Variants in NCKAP5 observed in about 807,000 individuals in gnomAD.
The protein encoded by NCKAP5 is nck-associated protein 5.
NCKAP5 carries 92 observed loss-of-function variants against 167.0 expected under a neutral mutation model. The observed-to-expected ratio is 0.55, with a 90% CI of 0.47 to 0.66. The LOEUF is 0.66. Ranked by LOEUF, NCKAP5 falls within the 30% of genes least tolerant of loss-of-function variation. NCKAP5 has a pLI of 0.00. For synonymous variants in NCKAP5, 891 were observed against 877.4 expected, an observed-to-expected ratio of 1.02 and a Z score of -0.27; for missense variants, 2,378 against 2,315.0, an observed-to-expected ratio of 1.03 and a Z score of -0.56.
the NCKAP5 span, among the ~76,000 whole-genome samples, chr2:133,658,636 CA>C: frequency 1.3e-5 from 2 of 152,146 alleles, no homozygotes; most frequent in Non-Finnish European, 2.9e-5. Context: ...CCTACGGATG[CA>C]AAGGCTCAGG....
intron 6 of NCKAP5, among the ~76,000 whole-genome samples, chr2:132,998,390 A>C (rs2077671198): frequency 6.6e-6 from 1 of 152,190 alleles, no homozygotes; most frequent in Non-Finnish European, 1.5e-5. Context: ...ACCCTTAGTA[A>C]TATGGTAAAC....
At chr2:133,554,743 G>T (rs1448716976) in intron 2 of NCKAP5, among the ~76,000 whole-genome samples, 3 of 152,142 alleles carry the variant, frequency 2.0e-5, no homozygotes, top group Non-Finnish European at 4.4e-5. Context: ...AAGTTCATTG[G>T]GGTGCTTGGT....
At chr2:132,743,557 G>A (rs1271882163) in intron 16 of NCKAP5, among the ~76,000 whole-genome samples, 1 of 151,518 alleles carries the variant, frequency 6.6e-6, no homozygotes, top group Non-Finnish European at 1.5e-5. Flanking sequence ...TAGCTAATAA[G>A]TTACAAGAGG....
chr2:133,253,542 G>A (rs1299389181), intron 4 of NCKAP5, among the ~76,000 whole-genome samples: 1 of 152,058 alleles, frequency 6.6e-6, no homozygotes, highest in Non-Finnish European at 1.5e-5. Flanking sequence ...CCATGCCTTG[G>A]ACTCCCTCAC....
chr2:133,464,710 A>T lies in NCKAP5; in HGVS notation c.69+52748T>A, dbSNP rs1322960245. On this transcript the variant is annotated intron_variant, in intron 3 of 19. Coordinates refer to ENST00000409261, the MANE Select transcript of NCKAP5 (RefSeq NM_207363.3). The stretch of plus-strand genomic sequence containing the variant: ...ATCTTAAATAAATAAACAAATGAAT[A>T]AATAAATGTGGAAATAAGTTAATGA... Among the ~76,000 whole-genome samples, 4 of 152,298 alleles carry T rather than the reference A, an allele frequency of 2.6e-5. No homozygotes were observed. The East Asian group carries it at 7.7e-4, about 29-fold the overall frequency.
At chr2:132,962,358 G>C (rs1468152977) in intron 8 of NCKAP5, among the ~76,000 whole-genome samples, 1 of 151,902 alleles carries the variant, frequency 6.6e-6, no homozygotes, top group Non-Finnish European at 1.5e-5. Flanking sequence ...AGGGAACAGA[G>C]GCATGGGGAG....
intron 6 of NCKAP5, among the ~76,000 whole-genome samples, chr2:133,077,364 CAT>C (rs1183963441): frequency 3.9e-5 from 6 of 152,136 alleles, no homozygotes; most frequent in African/African-American, 1.4e-4. Flanking sequence ...AGCAGAAAGA[CAT>C]GTGTTTTTAA....
rs558376823 is a variant in NCKAP5, at chr2:132,793,796, C to T, written c.909+2832G>A. 3.1e-4 allele frequency among the ~76,000 whole-genome samples: 47 copies of T among 152,164 alleles called. 1 individual carries two copies. The highest frequency in any genetic ancestry group is 5.7e-4 in the Non-Finnish European group (39 of 67,998). On this transcript the variant is annotated intron_variant, in intron 12 of 19. Transcript: ENST00000409261. ...GTAATTCCTTGCAAAGAAGAGGAGG[C>T]GGCCACTCTTTTCTACTGGGAAATT...
chr2:132,996,355 AT>A (rs927537998), intron 6 of NCKAP5, among the ~76,000 whole-genome samples: 2 of 152,216 alleles, frequency 1.3e-5, no homozygotes, highest in African/African-American at 4.8e-5. Context: ...TTTTAAATGT[AT>A]ACCTCCAGTG....
In NCKAP5 at chr2:132,995,889, G is replaced by A. The variant is rs566299466; in HGVS notation, c.342-1650C>T. On this transcript the variant is annotated intron_variant, in intron 6 of 19. Coordinates refer to ENST00000409261, the MANE Select transcript of NCKAP5 (RefSeq NM_207363.3). ...CTCCGGAGGCTGAGGCACAAGAATC[G>A]TTTGAACCCGGGAGGCAGAGGTTGC... 9.2e-5 allele frequency among the ~76,000 whole-genome samples: 14 copies of A among 151,882 alleles called. No homozygotes were observed. The South Asian group carries it at 1.0e-3, about 11-fold the overall frequency.
intron 3 of NCKAP5, among the ~76,000 whole-genome samples, chr2:133,388,952 T>C (rs879184154): frequency 6.6e-6 from 1 of 152,208 alleles, no homozygotes. Context: ...TGCCTGGCTA[T>C]GAAAGGGAAT....
At chr2:133,018,995 G>A (rs1193429474) in intron 6 of NCKAP5, among the ~76,000 whole-genome samples, 1 of 152,172 alleles carries the variant, frequency 6.6e-6, no homozygotes, top group Non-Finnish European at 1.5e-5. Flanking sequence ...AAAATGCAAT[G>A]ACTCTTGGAT....
At chr2:133,607,031 C>A in the NCKAP5 span, among the ~76,000 whole-genome samples, 6 of 152,106 alleles carry the variant, frequency 3.9e-5, no homozygotes, top group East Asian at 1.9e-4. Flanking sequence ...GGACCTGAGA[C>A]CATCATTAAT....
intron 9 of NCKAP5, among the ~76,000 whole-genome samples, chr2:132,873,444 A>T (rs1691001168): frequency 6.6e-6 from 1 of 152,184 alleles, no homozygotes; most frequent in Admixed American, 6.5e-5. Flanking sequence ...AAGGGATTCT[A>T]CTTGGAAAGG....
rs760461954 is a variant in NCKAP5 at position 133,241,773 on chromosome 2, T to C, written c.144-27994A>G. On this transcript the variant is annotated intron_variant, in intron 4 of 19. Coordinates refer to ENST00000409261, the MANE Select transcript of NCKAP5 (RefSeq NM_207363.3). ...CTTCTCCAGGCTTGTCTCTCAGATATATGAATTTCAGAATGAGATGGGTGA... is the reference window on the plus strand; with the variant it reads ...CTTCTCCAGGCTTGTCTCTCAGATACATGAATTTCAGAATGAGATGGGTGA... Among the ~76,000 whole-genome samples the C allele has an allele frequency of 5.3e-5, 8 of 152,314 alleles. No individual in the cohort carries two copies. In the East Asian group the frequency reaches 5.8e-4, roughly 11 times the overall value.
chr2:132,809,179 T>A (rs2105253001), intron 11 of NCKAP5, among the ~76,000 whole-genome samples: 1 of 152,298 alleles, frequency 6.6e-6, no homozygotes, highest in Non-Finnish European at 1.5e-5. Context: ...ACTCGTTTTA[T>A]GGCCTATCAT....
the NCKAP5 span, among the ~76,000 whole-genome samples, chr2:133,668,010 C>T: frequency 6.6e-6 from 1 of 151,964 alleles, no homozygotes. Context: ...CTATTCTGAA[C>T]ATTTCACATG....
chr2:132,699,554 CCA>C (rs1412741643), intron 19 of NCKAP5, among the ~76,000 whole-genome samples: 1 of 151,844 alleles, frequency 6.6e-6, no homozygotes, highest in African/African-American at 2.4e-5. Context: ...TGTTCAATTC[CCA>C]CCTATGAGTG....
intron 3 of NCKAP5, among the ~76,000 whole-genome samples, chr2:133,354,771 A>G (rs1429253158): frequency 2.0e-5 from 3 of 152,242 alleles, no homozygotes; most frequent in Non-Finnish European, 2.9e-5. Context: ...TTATACAGGA[A>G]GCATCCCAAA....
Sources: gnomAD v4.1 joint callset for allele counts (sites outside exome capture counted in the v4.1 genomes callset) on GRCh38, gnomAD v4.1.1 for gene constraint, MANE v1.5 for transcripts, NCBI Gene and HGNC (gene_info 2026-07-23, HGNC 2026-07-21) for gene names.